DCDC1: variants seen among roughly 807,000 people sequenced by gnomAD.
DCDC1 encodes doublecortin domain containing 1.
DCDC1 carries 200 observed loss-of-function variants against 178.3 expected under a neutral mutation model. The observed-to-expected ratio is 1.12, with a 90% CI of 1.00 to 1.26. DCDC1 has a LOEUF of 1.26. Among genes scored for constraint, DCDC1 ranks in the 50% most tolerant of loss-of-function variants. DCDC1 has a pLI of 0.00. For missense variants in DCDC1, 1,983 were observed against 1,749.2 expected, an observed-to-expected ratio of 1.13 and a Z score of -2.38; for synonymous variants, 690 against 604.8, an observed-to-expected ratio of 1.14 and a Z score of -2.07.
chr11:31,237,121 G>T (rs1184207837), intron 9 of DCDC1, among the ~76,000 whole-genome samples: 1 of 151,786 alleles, frequency 6.6e-6, no homozygotes, highest in Admixed American at 6.6e-5. Flanking sequence ...ATCAATTCTG[G>T]ATAGAATTAT....
At chr11:31,258,538 C>A (rs977636392) in intron 8 of DCDC1, among the ~76,000 whole-genome samples, 3 of 152,096 alleles carry the variant, frequency 2.0e-5, no homozygotes, top group Non-Finnish European at 4.4e-5. Flanking sequence ...AGAAGCAAAT[C>A]TTAAACATTG....
chr11:31,183,145 T>C (rs1969040146), intron 9 of DCDC1, among the ~76,000 whole-genome samples: 1 of 152,090 alleles, frequency 6.6e-6, no homozygotes, highest in Admixed American at 6.5e-5. Flanking sequence ...TCCCACACAA[T>C]AATAGTGAGA....
intron 21 of DCDC1, among the ~76,000 whole-genome samples, chr11:30,932,426 T>C (rs985694933): frequency 2.6e-5 from 4 of 152,204 alleles, no homozygotes; most frequent in Admixed American, 1.3e-4. Context: ...ACGTTTCAGT[T>C]GTAGAATTCA....
At chr11:31,302,332 A>G (rs1025788015) in intron 6 of DCDC1, among the ~76,000 whole-genome samples, 6 of 152,178 alleles carry the variant, frequency 3.9e-5, no homozygotes, top group Admixed American at 3.9e-4. Flanking sequence ...CTGTGTCACA[A>G]TTAAGCAGAA....
At chr11:30,964,031 T>C (rs866116630) in intron 20 of DCDC1, among the ~76,000 whole-genome samples, 87 of 152,282 alleles carry the variant, frequency 5.7e-4, no homozygotes, top group African/African-American at 2.0e-3. Context: ...GGAACACTCC[T>C]ATAGGCAGGA....
At chr11:31,292,832 A>G (rs1386571278) in intron 6 of DCDC1, among the ~76,000 whole-genome samples, 1 of 132,528 alleles carries the variant, frequency 7.5e-6, no homozygotes, top group Non-Finnish European at 1.6e-5. Context: ...TCATTGTCAG[A>G]CAGTATTTCT....
At position 30,911,325 on chromosome 11, in the gene DCDC1, A is replaced by T. The variant is rs1298395631; in HGVS notation, c.3747+2T>A. The T allele has an allele frequency of 6.3e-7, 1 of 1,597,446 alleles. No homozygotes were observed. Among genetic ancestry groups the T allele is most frequent in the East Asian group, 2.3e-5 (1 of 44,438 alleles). ...ACTAATCTTTAGCCATACATATCTT[A>T]CCTGAACAATAACTGGATAGCCACA... On this transcript the variant is annotated splice_donor_variant, in intron 28 of 38. Transcript: ENST00000684477. LOFTEE classifies it high-confidence loss of function.
intron 15 of DCDC1, among the ~76,000 whole-genome samples, chr11:31,101,851 C>T (rs1263019086): frequency 6.6e-6 from 1 of 152,028 alleles, no homozygotes; most frequent in Non-Finnish European, 1.5e-5. Context: ...CCGAGGTGGA[C>T]GGATCACTTG....
intron 20 of DCDC1, among the ~76,000 whole-genome samples, chr11:31,057,278 A>C (rs1196446944): frequency 9.9e-6 from 1 of 101,362 alleles, no homozygotes. Flanking sequence ...GGAGGGAGGG[A>C]GGGAGGGAGG....
intron 8 of DCDC1, among the ~76,000 whole-genome samples, chr11:31,245,414 A>G (rs536479482): frequency 6.6e-6 from 1 of 151,930 alleles, no homozygotes; most frequent in Admixed American, 6.6e-5. Flanking sequence ...AACTACAACT[A>G]TCCATGATCA....
chr11:31,031,787 G>A (rs1373129173), intron 20 of DCDC1, among the ~76,000 whole-genome samples: 1 of 152,032 alleles, frequency 6.6e-6, no homozygotes, highest in African/African-American at 2.4e-5. Flanking sequence ...CTCAATCTAT[G>A]CTGGAATAAC....
chr11:31,180,926 T>C (rs1053681248), intron 9 of DCDC1, among the ~76,000 whole-genome samples: 1 of 151,960 alleles, frequency 6.6e-6, no homozygotes, highest in Non-Finnish European at 1.5e-5. Context: ...GCTCAGCAGA[T>C]CCCACCGCCA....
At chr11:30,916,108 T>C (rs896457929) in intron 26 of DCDC1, among the ~76,000 whole-genome samples, 2 of 152,204 alleles carry the variant, frequency 1.3e-5, no homozygotes, top group Non-Finnish European at 2.9e-5. Flanking sequence ...CTATGATTGT[T>C]TCTTTCCTCT....
At chr11:31,326,341 C>T (rs1014872711) in intron 3 of DCDC1, among the ~76,000 whole-genome samples, 7 of 150,932 alleles carry the variant, frequency 4.6e-5, no homozygotes, top group African/African-American at 1.2e-4. Context: ...AGGAACAGAG[C>T]GAATAAGTGA....
In DCDC1 at chr11:30,906,845, T is replaced by G. The variant is rs545112300; in HGVS notation, c.3919-120A>C. The G allele has an allele frequency of 2.2e-5, 20 of 928,746 alleles. No homozygotes were observed. The South Asian group carries it at 5.9e-4, about 27-fold the overall frequency. The allele number at this position is 928,746 out of a possible 1,614,324, so 57.5% of individuals were successfully genotyped here. ...ACACCCCAAAATGCTAAATTTAAAT[T>G]TTATGCTAAATTTAAATTTAGCATA... On this transcript the variant is annotated intron_variant, in intron 29 of 38. Transcript: ENST00000684477.
At chr11:31,106,759 G>C (rs757045592) in intron 13 of DCDC1, 38 bp downstream of exon 13, 1 of 759,318 alleles carries the variant, frequency 1.3e-6, no homozygotes, top group Admixed American at 1.8e-5. Context: ...CTCTCCCCTG[G>C]AAAGATTGAG....
intron 16 of DCDC1, among the ~76,000 whole-genome samples, chr11:31,091,873 T>C (rs1027944380): frequency 6.6e-6 from 1 of 151,982 alleles, no homozygotes; most frequent in African/African-American, 2.4e-5. Context: ...AGAAAAAAAA[T>C]AGTGCAGTGA....
At chr11:31,148,805 T>C (rs1435679035) in intron 9 of DCDC1, among the ~76,000 whole-genome samples, 1 of 152,088 alleles carries the variant, frequency 6.6e-6, no homozygotes, top group East Asian at 1.9e-4. Context: ...CATGGATAAG[T>C]TCTTTAGTGG....
In DCDC1 at chr11:31,055,500, G is replaced by T. The variant is rs1053078050; in HGVS notation, c.2591+8969C>A. On this transcript the variant is annotated intron_variant, in intron 20 of 38. Transcript: ENST00000684477. Reference sequence around the variant, plus strand: ...ATTTGATCCAGCAATCGCACTACTGGGTATCTACCCAGAGGAAAAGAAGTC... The same window carrying T: ...ATTTGATCCAGCAATCGCACTACTGTGTATCTACCCAGAGGAAAAGAAGTC... Among the ~76,000 whole-genome samples the T allele has an allele frequency of 3.3e-5, 5 of 152,092 alleles. No individual in the cohort carries two copies. The South Asian group carries it at 1.0e-3, about 32-fold the overall frequency.
Sources: allele counts gnomAD v4.1 joint callset (sites outside exome capture counted in the v4.1 genomes callset), GRCh38; gene constraint gnomAD v4.1.1; transcripts MANE v1.5; gene names NCBI Gene and HGNC (gene_info 2026-07-23, HGNC 2026-07-21).